The following MED13L variants were observed in gnomAD, a reference collection of about 807,000 sequenced individuals.
The protein encoded by MED13L is mediator of RNA polymerase II transcription subunit 13-like.
Under a neutral mutation model 220.9 loss-of-function variants are expected in MED13L, and 7 were observed. The ratio of observed to expected loss-of-function variants is 0.03; its 90% confidence interval spans 0.02 to 0.06. The LOEUF (loss-of-function observed/expected upper bound fraction) is 0.06, where lower values mean the gene tolerates loss of function less well. MED13L is among the 10% of genes least tolerant of loss of function. The pLI is 1.00. For synonymous variants in MED13L, 1,011 were observed against 1,015.2 expected, an observed-to-expected ratio of 1.00 and a Z score of 0.08; for missense variants, 1,965 against 2,760.5, an observed-to-expected ratio of 0.71 and a Z score of 6.46.
At chr12:116,066,854 T>G (rs1426423120) in intron 4 of MED13L, among the ~76,000 whole-genome samples, 4 of 152,132 alleles carry the variant, frequency 2.6e-5, no homozygotes, top group Non-Finnish European at 5.9e-5. Context: ...CAACACTTCC[T>G]GCTACTTCAT....
Position 116,222,380 on chromosome 12 carries a change from G to A in MED13L, c.310+15088C>T, listed in dbSNP as rs532789357. Among the ~76,000 whole-genome samples the A allele has an allele frequency of 2.8e-4, 43 of 152,254 alleles. No homozygotes were observed. The South Asian group carries it at 4.4e-3, about 15-fold the overall frequency. On this transcript the variant is annotated intron_variant, in intron 2 of 30. Transcript: ENST00000281928. ...TTATGACCTCTACCTCTCCATAGGC[G>A]AAGGATAACAGAAGAATGATAGATT...
chr12:116,217,044 T>C lies in MED13L; in HGVS notation c.310+20424A>G, dbSNP rs1883041029. On this transcript the variant is annotated intron_variant, in intron 2 of 30. Coordinates refer to ENST00000281928, the MANE Select transcript of MED13L (RefSeq NM_015335.5). ...TGAATACTTTGACTTTTTTAATGCTTTGGTGATAATTTGGGAAGTCTTTCC... is the reference window on the plus strand; with the variant it reads ...TGAATACTTTGACTTTTTTAATGCTCTGGTGATAATTTGGGAAGTCTTTCC... Among the ~76,000 whole-genome samples the C allele has an allele frequency of 2.0e-5, 3 of 152,318 alleles. No homozygotes were observed. The South Asian group carries it at 6.2e-4, about 32-fold the overall frequency.
rs758061572 is a variant in MED13L, at chr12:115,987,330, A to G, written c.3935-42T>C. On this transcript the variant is annotated intron_variant, in intron 17 of 30. Coordinates refer to ENST00000281928, the MANE Select transcript of MED13L (RefSeq NM_015335.5). ...AAGAAACAGAGAAGATAAGGGGGCT[A>G]GCACCCTCCTCTTCCTCACCATCAC... The G allele has an allele frequency of 7.0e-6, 11 of 1,574,480 alleles. No individual in the cohort carries two copies. The East Asian group carries it at 2.3e-4, about 33-fold the overall frequency.
At chr12:116,040,195 T>C (rs957879976) in intron 4 of MED13L, among the ~76,000 whole-genome samples, 1 of 152,232 alleles carries the variant, frequency 6.6e-6, no homozygotes, top group Non-Finnish European at 1.5e-5. Flanking sequence ...CCGTTCAACC[T>C]CATGCATAAA....
intron 4 of MED13L, among the ~76,000 whole-genome samples, chr12:116,093,466 C>T (rs1245439802): frequency 1.3e-5 from 2 of 151,878 alleles, no homozygotes; most frequent in Non-Finnish European, 2.9e-5. Context: ...ATTAAGAACC[C>T]TTTTAGGAGT....
chr12:115,998,479 C>CT (rs1346839405), intron 14 of MED13L, among the ~76,000 whole-genome samples: 3 of 152,196 alleles, frequency 2.0e-5, no homozygotes, highest in African/African-American at 7.2e-5. Flanking sequence ...GTGCTGGGGA[C>CT]TTAGATCTGC....
intron 2 of MED13L, among the ~76,000 whole-genome samples, chr12:116,212,162 C>T (rs376840655): frequency 7.2e-6 from 1 of 139,062 alleles, no homozygotes; most frequent in Non-Finnish European, 1.6e-5. Context: ...CATGTTACAA[C>T]AGAACATTGA....
At chr12:116,120,769 T>G (rs1336083730) in intron 2 of MED13L, among the ~76,000 whole-genome samples, 1 of 152,110 alleles carries the variant, frequency 6.6e-6, no homozygotes, top group Non-Finnish European at 1.5e-5. Context: ...CTTTCCAGTT[T>G]CTATTTAAAT....
rs1372006433 is a variant in MED13L, at chr12:115,960,223, T to C, written c.*1043A>G. On this transcript the variant is annotated 3_prime_UTR_variant, in exon 31 of 31. Coordinates refer to ENST00000281928, the MANE Select transcript of MED13L (RefSeq NM_015335.5). ...TATAACTGATTTCATGAGCAAACAC[T>C]TTCAATTGTTGTATGTACATAAGTC... 6.6e-6 allele frequency: 1 copy of C among 152,640 alleles called. No homozygotes were observed. Among genetic ancestry groups the C allele is most frequent in the Non-Finnish European group, 1.5e-5 (1 of 68,038 alleles). The allele number at this position is 152,640 out of a possible 1,614,324, so 9.5% of individuals were successfully genotyped here.
intron 2 of MED13L, among the ~76,000 whole-genome samples, chr12:116,198,756 A>C (rs928091295): frequency 8.5e-6 from 1 of 118,284 alleles, no homozygotes; most frequent in Non-Finnish European, 1.8e-5. Context: ...TACAGATCTT[A>C]TGACTTGCCC....
chr12:116,212,021 ATTT>A (rs1882727872), intron 2 of MED13L, among the ~76,000 whole-genome samples: 1 of 152,188 alleles, frequency 6.6e-6, no homozygotes, highest in Non-Finnish European at 1.5e-5. Flanking sequence ...CATATATCAC[ATTT>A]TTTTCTGAGA....
At chr12:116,160,294 T>C (rs1878758723) in intron 2 of MED13L, among the ~76,000 whole-genome samples, 1 of 152,212 alleles carries the variant, frequency 6.6e-6, no homozygotes, top group Admixed American at 6.5e-5. Flanking sequence ...GTCTTTTAAC[T>C]GCTATTTTTG....
Position 116,271,040 on chromosome 12 carries a change from CAAAAAAAAAAAAAAA to C in MED13L, c.72+6005_72+6019del, listed in dbSNP as rs58162276. 6.2e-3 allele frequency among the ~76,000 whole-genome samples: 187 copies of C among 30,104 alleles called. 3 individuals carry two copies. The highest frequency in any genetic ancestry group is 0.026 in the African/African-American group (176 of 6,808). 19.7% of individuals were successfully genotyped at this position (30,104 alleles called of 152,430 possible). A position where few individuals can be genotyped will look rare whatever the true frequency, so the allele number is the denominator to read the frequency against. ...CTGGTGACAGAGCGAGACTCCGTCT[CAAAAAAAAAAAAAAA>C]AAAAAAAAAAAAGAAAGAAAATTAT... On this transcript the variant is annotated intron_variant, in intron 1 of 30. Coordinates refer to ENST00000281928, the MANE Select transcript of MED13L (RefSeq NM_015335.5).
intron 2 of MED13L, among the ~76,000 whole-genome samples, chr12:116,197,218 C>G (rs1369214358): frequency 6.6e-6 from 1 of 152,162 alleles, no homozygotes; most frequent in Non-Finnish European, 1.5e-5. Context: ...AAACCGTGTA[C>G]TCGGCTGAAG....
At chr12:116,098,845 C>T (rs1018750948) in intron 3 of MED13L, among the ~76,000 whole-genome samples, 42 of 152,136 alleles carry the variant, frequency 2.8e-4, no homozygotes, top group African/African-American at 9.2e-4. Flanking sequence ...ATGGCACACC[C>T]ACCCAAGGAG....
chr12:116,142,225 C>A (rs1296981081), intron 2 of MED13L, among the ~76,000 whole-genome samples: 1 of 152,188 alleles, frequency 6.6e-6, no homozygotes, highest in Non-Finnish European at 1.5e-5. Context: ...TCTACCAGAG[C>A]TAAAAATCCA....
chr12:116,015,179 G>A lies in MED13L; in HGVS notation c.1105C>T (p.Pro369Ser). Residue 369 changes from proline to serine, a missense_variant, in exon 8 of 31, where the codon CCT becomes TCT. This residue lies in a region of MED13L where 818 missense variants were observed against 1,041.2 expected (regional missense o/e 0.79). Coordinates refer to ENST00000281928, the MANE Select transcript of MED13L (RefSeq NM_015335.5). ...MHSPKRSGKI[P>S]PKLHNHMVHR... ...ACCATATGATTGTGGAGTTTTGGAGGAATCTTCCCCGATCTCTTTGGACTG... is the reference window on the plus strand; with the variant it reads ...ACCATATGATTGTGGAGTTTTGGAGAAATCTTCCCCGATCTCTTTGGACTG... 4.3e-6 allele frequency: 7 copies of A among 1,613,752 alleles called. No individual in the cohort carries two copies. The highest frequency in any genetic ancestry group is 5.9e-6 in the Non-Finnish European group (7 of 1,179,858).
intron 1 of MED13L, among the ~76,000 whole-genome samples, chr12:116,272,180 T>C (rs1437824845): frequency 6.6e-6 from 1 of 152,150 alleles, no homozygotes; most frequent in Non-Finnish European, 1.5e-5. Context: ...CAAAAATAAT[T>C]ATAGAACAAA....
intron 4 of MED13L, among the ~76,000 whole-genome samples, chr12:116,076,104 G>A (rs1413128568): frequency 6.6e-6 from 1 of 151,826 alleles, no homozygotes; most frequent in Non-Finnish European, 1.5e-5. Flanking sequence ...TAGTAGAGAC[G>A]GGGTTTCACC....
Sources: gnomAD v4.1 joint callset for allele counts (sites outside exome capture counted in the v4.1 genomes callset) on GRCh38, gnomAD v4.1.1 for gene constraint, gnomAD v4.1.1 regional missense constraint, MANE v1.5 for transcripts, NCBI Gene and HGNC (gene_info 2026-07-23, HGNC 2026-07-21) for gene names.